The following DUSP5 variants were observed in gnomAD, a reference collection of about 807,000 sequenced individuals.
The protein encoded by DUSP5 is dual specificity phosphatase 5.
DUSP5 carries 22 observed loss-of-function variants against 33.6 expected under a neutral mutation model. The observed-to-expected ratio is 0.66, with a 90% CI of 0.47 to 0.94. The LOEUF is 0.94. DUSP5 is among the 40% of genes least tolerant of loss of function. The pLI is 0.00. For missense variants in DUSP5, 551 were observed against 522.1 expected (o/e 1.06, Z -0.54); for synonymous variants, 270 against 231.1 (o/e 1.17, Z -1.53).
intron 3 of DUSP5, 131 bp from the exon 4 acceptor site, chr10:110,509,889 T>G: frequency 8.1e-7 from 1 of 1,227,006 alleles, no homozygotes. Context: ...AGAAGTGTAG[T>G]GTAGGGCCGT....
chr10:110,503,762 T>C (rs1346546122), intron 2 of DUSP5, among the ~76,000 whole-genome samples: 2 of 152,250 alleles, frequency 1.3e-5, no homozygotes, highest in Non-Finnish European at 1.5e-5. Context: ...CTCTCTGTTG[T>C]GATTATTTCA....
At position 110,502,835 on chromosome 10, in the gene DUSP5, T is replaced by G; in HGVS notation, c.494T>G (p.Val165Gly). ...CTCATCAGCCAGTGTGGAAAACCAG[T>G]GGTAAATGTCAGCTACAGGCCAGCT... ...RALISQCGKPVVNVSYRPAYD... is the reference protein window; with the variant it reads ...RALISQCGKPGVNVSYRPAYD... Residue 165 changes from valine (V) to glycine (G), a missense_variant, in exon 2 of 4, where the codon GTG (valine) becomes GGG (glycine). Transcript: ENST00000369583. 6.2e-7 allele frequency: 1 copy of G among 1,614,102 alleles called. No individual in the cohort carries two copies. Among genetic ancestry groups the G allele is most frequent in the Non-Finnish European group, 8.5e-7 (1 of 1,180,032 alleles).
At chr10:110,506,467 G>T (rs1860121036) in intron 2 of DUSP5, among the ~76,000 whole-genome samples, 1 of 152,080 alleles carries the variant, frequency 6.6e-6, no homozygotes, top group Non-Finnish European at 1.5e-5. Context: ...TATGTAAAAT[G>T]TCAAGGCTGT....
intron 3 of DUSP5, among the ~76,000 whole-genome samples, chr10:110,507,523 T>C (rs547910037): frequency 3.9e-5 from 6 of 152,290 alleles, no homozygotes; most frequent in Non-Finnish European, 8.8e-5. Flanking sequence ...TGGGTTTATT[T>C]TTAAAAGCAA....
At position 110,507,073 on chromosome 10, in the gene DUSP5, C is replaced by A. The variant is rs1195815262; in HGVS notation, c.667C>A (p.Leu223Ile). 6.2e-7 allele frequency: 1 copy of A among 1,614,132 alleles called. No individual in the cohort carries two copies. The highest frequency in any genetic ancestry group is 8.5e-7 in the Non-Finnish European group (1 of 1,180,052). ...RRTSEACATH[L>I]HYKWIPVEDS... ...GACCTCCGAGGCCTGCGCGACCCACCTACACTACAAATGGATCCCTGTGGA... is the reference window on the plus strand; with the variant it reads ...GACCTCCGAGGCCTGCGCGACCCACATACACTACAAATGGATCCCTGTGGA... The change falls in exon 3 of 4, where the codon CTA becomes ATA. Residue 223 changes from leucine to isoleucine, a missense_variant. By Grantham distance (5) the Leu-to-Ile change is conservative. Transcript: ENST00000369583.
At chr10:110,506,783 C>CA (rs1199995020) in intron 2 of DUSP5, 152 bp from the exon 3 acceptor site, 6 of 785,018 alleles carry the variant, frequency 7.6e-6, no homozygotes, top group Non-Finnish European at 1.1e-5. Context: ...TACAACCACA[C>CA]TTGGTTGAAC....
intron 3 of DUSP5, among the ~76,000 whole-genome samples, chr10:110,509,153 C>A (rs1860154990): frequency 6.6e-6 from 1 of 152,162 alleles, no homozygotes; most frequent in African/African-American, 2.4e-5. Context: ...GTATCTTTAA[C>A]CTTTCACCCC....
chr10:110,503,320 T>G (rs1860080106), intron 2 of DUSP5: 2 of 156,558 alleles, frequency 1.3e-5, no homozygotes. Context: ...TCAAGGTGTG[T>G]CTTATTGGTA....
At chr10:110,503,298 T>C in intron 2 of DUSP5, 1 of 160,832 alleles carries the variant, frequency 6.2e-6, no homozygotes, top group South Asian at 1.8e-4. Flanking sequence ...CTGCAAACCA[T>C]CCCGGTACCT....
At chr10:110,505,739 A>G (rs1860109252) in intron 2 of DUSP5, among the ~76,000 whole-genome samples, 1 of 152,086 alleles carries the variant, frequency 6.6e-6, no homozygotes, top group Non-Finnish European at 1.5e-5. Flanking sequence ...AAGGGCTCCC[A>G]TTTTTCCAAC....
intron 1 of DUSP5, 119 bp from the exon 2 acceptor site, chr10:110,502,602 C>A: frequency 3.2e-6 from 4 of 1,235,434 alleles, no homozygotes; most frequent in Non-Finnish European, 4.5e-6. Flanking sequence ...AGAATCTGTA[C>A]TGGCTTATTT....
Position 110,507,093 on chromosome 10 carries a change from T to A in DUSP5, c.687T>A (p.Pro229=). Residue 229 remains proline (P), a synonymous_variant, in exon 3 of 4, where the codon CCT becomes CCA. Transcript: ENST00000369583. ...CCCACCTACACTACAAATGGATCCC[T>A]GTGGAAGACAGCCACACGGCTGACA... ...CATHLHYKWI[P]VEDSHTADIS... 1 of 1,614,174 alleles carries A rather than the reference T, an allele frequency of 6.2e-7. No individual in the cohort carries two copies. Among genetic ancestry groups the A allele is most frequent in the African/African-American group, 1.3e-5 (1 of 75,058 alleles).
At position 110,507,019 on chromosome 10, in the gene DUSP5, A is replaced by G. The variant is rs779225857; in HGVS notation, c.613A>G (p.Ile205Val). The change falls in exon 3 of 4, where the codon ATC becomes GTC. Residue 205 changes from isoleucine to valine, a missense_variant. Around this residue, in one of 3 missense-constraint regions of DUSP5, gnomAD observed 381 missense variants for 310.4 expected, o/e 1.23. Transcript: ENST00000369583. ...GTGCGAGTTCCTCGCCAACCTGCAC[A>G]TCACAGCCCTGCTGAATGTCTCCCG... Reference protein sequence around the residue: ...SKCEFLANLHITALLNVSRRT... With the variant: ...SKCEFLANLHVTALLNVSRRT... The G allele has an allele frequency of 3.7e-6, 6 of 1,614,274 alleles. No individual in the cohort carries two copies. The highest frequency in any genetic ancestry group is 2.2e-5 in the South Asian group (2 of 91,092).
intron 2 of DUSP5, 98 bp from the exon 3 acceptor site, chr10:110,506,837 C>G (rs369309280): frequency 1.8e-5 from 24 of 1,313,936 alleles, no homozygotes; most frequent in Non-Finnish European, 2.5e-5. Flanking sequence ...AAGGGAACCA[C>G]CCATCTTAAG....
chr10:110,498,637 G>A, intron 1 of DUSP5, 137 bp downstream of exon 1: 1 of 1,251,770 alleles, frequency 8.0e-7, no homozygotes, highest in Non-Finnish European at 1.0e-6. Context: ...CTTGTTGTGC[G>A]CTTGGGAGGG....
intron 1 of DUSP5, 88 bp downstream of exon 1, chr10:110,498,588 C>T: frequency 2.3e-6 from 3 of 1,324,892 alleles, no homozygotes; most frequent in Non-Finnish European, 2.9e-6. Context: ...CACCCTGGGA[C>T]CGGGAGAGTC....
At chr10:110,501,966 G>GC (rs370302895) in intron 1 of DUSP5, among the ~76,000 whole-genome samples, 2 of 99,618 alleles carry the variant, frequency 2.0e-5, no homozygotes, top group African/African-American at 3.7e-5. Flanking sequence ...CTTATTGATT[G>GC]GGGGGGGGGT....
chr10:110,511,521 A>G lies in DUSP5; in HGVS notation c.*1095A>G, dbSNP rs1163632452. 1 of 152,658 alleles carries G rather than the reference A, an allele frequency of 6.6e-6. No homozygotes were observed. 9.5% of individuals were successfully genotyped at this position (152,658 alleles called of 1,614,324 possible). Reference sequence around the variant, plus strand: ...GTTCTTGTTTTTTATAGTGTAAAATAAAAATAGTAAAAGGAGAAAAGCACT... The same window carrying G: ...GTTCTTGTTTTTTATAGTGTAAAATGAAAATAGTAAAAGGAGAAAAGCACT... On this transcript the variant is annotated 3_prime_UTR_variant, in exon 4 of 4. Transcript: ENST00000369583.
intron 3 of DUSP5, 106 bp downstream of exon 3, chr10:110,507,260 C>A: frequency 1.7e-6 from 2 of 1,167,790 alleles, no homozygotes; most frequent in Non-Finnish European, 2.4e-6. Context: ...AGAAAAGTGT[C>A]TTGTATATGC....
Sources: gnomAD v4.1 joint callset for allele counts (sites outside exome capture counted in the v4.1 genomes callset) on GRCh38, gnomAD v4.1.1 for gene constraint, gnomAD v4.1.1 regional missense constraint, MANE v1.5 for transcripts, NCBI Gene and HGNC (gene_info 2026-07-23, HGNC 2026-07-21) for gene names.